ACTR3B: variants seen among roughly 807,000 people sequenced by gnomAD.
The protein encoded by ACTR3B is actin related protein 3B.
Under a neutral mutation model 59.0 loss-of-function variants are expected in ACTR3B, and 8 were observed. The observed-to-expected ratio is 0.14, with a 90% confidence interval of 0.08 to 0.24. ACTR3B has a LOEUF of 0.24. Among genes scored for constraint, ACTR3B ranks in the 10% least tolerant of loss-of-function variants. The probability of loss-of-function intolerance (pLI) is 1.00; values close to 1 mark genes in which losing one functional copy is unlikely to be tolerated. For synonymous variants in ACTR3B, 148 were observed against 197.9 expected (o/e 0.75, Z 2.12); for missense variants, 245 against 552.3 (o/e 0.44, Z 5.58).
chr7:152,823,576 T>C (rs1796351764), intron 8 of ACTR3B, 61 bp downstream of exon 8: 2 of 1,572,176 alleles, frequency 1.3e-6, no homozygotes, highest in African/African-American at 1.3e-5. Context: ...CCACCCAGAG[T>C]GTAGAAAGAG....
chr7:152,795,736 C>CT (rs1049531712), intron 2 of ACTR3B, among the ~76,000 whole-genome samples: 2 of 152,114 alleles, frequency 1.3e-5, no homozygotes, highest in African/African-American at 4.8e-5. Context: ...CAGTATTAAT[C>CT]TTTTGTCTGG....
intron 4 of ACTR3B, among the ~76,000 whole-genome samples, chr7:152,809,348 T>C: frequency 6.6e-6 from 1 of 151,732 alleles, no homozygotes; most frequent in Non-Finnish European, 1.5e-5. Context: ...TGCTTGTTGT[T>C]TGAAGAAGTG....
At chr7:152,792,381 T>C (rs1335331050) in intron 2 of ACTR3B, among the ~76,000 whole-genome samples, 1 of 152,128 alleles carries the variant, frequency 6.6e-6, no homozygotes, top group African/African-American at 2.4e-5. Context: ...TCAAATTCCT[T>C]CTTTTATCAT....
intron 1 of ACTR3B, among the ~76,000 whole-genome samples, chr7:152,777,407 G>A (rs939199257): frequency 5.4e-4 from 82 of 152,270 alleles, no homozygotes; most frequent in Non-Finnish European, 5.3e-4. Flanking sequence ...TATTTAAAGA[G>A]CAATATTATT....
intron 9 of ACTR3B, among the ~76,000 whole-genome samples, chr7:152,829,991 A>G (rs1334004167): frequency 6.6e-6 from 1 of 152,238 alleles, no homozygotes; most frequent in Non-Finnish European, 1.5e-5. Context: ...AAGAGCTTAT[A>G]AAAAAGCTAA....
At chr7:152,844,724 A>G (rs1445330469) in intron 9 of ACTR3B, among the ~76,000 whole-genome samples, 3 of 149,580 alleles carry the variant, frequency 2.0e-5, no homozygotes, top group Non-Finnish European at 4.4e-5. Flanking sequence ...TTGGTGACCT[A>G]GTTTGATTAC....
chr7:152,833,085 C>G (rs911153404), intron 9 of ACTR3B, among the ~76,000 whole-genome samples: 1 of 152,168 alleles, frequency 6.6e-6, no homozygotes, highest in African/African-American at 2.4e-5. Flanking sequence ...GGATGAGGGT[C>G]AAGAGGTAGC....
chr7:152,852,372 C>A, intron 10 of ACTR3B, 121 bp downstream of exon 10: 1 of 1,267,098 alleles, frequency 7.9e-7, no homozygotes, highest in Non-Finnish European at 1.1e-6. Flanking sequence ...AAGTGTTCAT[C>A]GCTTTCTGAG....
At chr7:152,845,099 G>A (rs1383102101) in intron 9 of ACTR3B, among the ~76,000 whole-genome samples, 1 of 150,092 alleles carries the variant, frequency 6.7e-6, no homozygotes, top group Non-Finnish European at 1.5e-5. Flanking sequence ...AACTGTGAGT[G>A]TCTTAATCGA....
At chr7:152,852,355 T>TA (rs1798882358) in intron 10 of ACTR3B, 104 bp downstream of exon 10, 7 of 1,383,968 alleles carry the variant, frequency 5.1e-6, no homozygotes, top group Non-Finnish European at 6.7e-6. Flanking sequence ...CCGCGTAAAA[T>TA]AAAAACAAGT....
chr7:152,835,644 C>T (rs1797388935), intron 9 of ACTR3B, among the ~76,000 whole-genome samples: 1 of 152,156 alleles, frequency 6.6e-6, no homozygotes, highest in Admixed American at 6.6e-5. Flanking sequence ...GTAACAAACA[C>T]ATTATGGGTG....
intron 3 of ACTR3B, among the ~76,000 whole-genome samples, 153 bp from the exon 4 acceptor site, chr7:152,801,468 C>T (rs547904377): frequency 6.6e-5 from 10 of 152,170 alleles, no homozygotes; most frequent in African/African-American, 2.2e-4. Context: ...CTTTTTTTTC[C>T]AAATGCTGTT....
intron 6 of ACTR3B, among the ~76,000 whole-genome samples, chr7:152,819,374 G>C (rs1795970816): frequency 6.6e-6 from 1 of 152,256 alleles, no homozygotes; most frequent in African/African-American, 2.4e-5. Flanking sequence ...CAGAAGCTGT[G>C]ATGTGCTGTA....
chr7:152,772,094 G>T (rs1234036817), intron 1 of ACTR3B, among the ~76,000 whole-genome samples: 1 of 152,080 alleles, frequency 6.6e-6, no homozygotes, highest in Non-Finnish European at 1.5e-5. Flanking sequence ...ACCCCTGAAA[G>T]ATAAAAGAAT....
At chr7:152,817,850 AAT>A (rs1168324904) in intron 6 of ACTR3B, among the ~76,000 whole-genome samples, 2 of 152,244 alleles carry the variant, frequency 1.3e-5, no homozygotes, top group African/African-American at 4.8e-5. Flanking sequence ...TACTAATACC[AAT>A]GCCTTTAATT....
chr7:152,788,082 G>A (rs1261001068), intron 2 of ACTR3B, among the ~76,000 whole-genome samples: 2 of 113,048 alleles, frequency 1.8e-5, no homozygotes, highest in Non-Finnish European at 3.5e-5. Flanking sequence ...CCACCACCAC[G>A]TCCAGCTAAT....
intron 9 of ACTR3B, among the ~76,000 whole-genome samples, chr7:152,828,068 A>G (rs1796718575): frequency 6.6e-6 from 1 of 151,708 alleles, no homozygotes; most frequent in Non-Finnish European, 1.5e-5. Flanking sequence ...GGGTTCCTAT[A>G]AAGTTTTATT....
chr7:152,762,166 G>C (rs1038585647), intron 1 of ACTR3B, among the ~76,000 whole-genome samples: 2 of 152,058 alleles, frequency 1.3e-5, no homozygotes, highest in African/African-American at 4.8e-5. Context: ...GGTAAACCCC[G>C]AGACTACCTG....
At position 152,844,160 on chromosome 7, in the gene ACTR3B, C is replaced by A. The variant is rs184902194; in HGVS notation, c.952-7966C>A. Among the ~76,000 whole-genome samples the A allele has an allele frequency of 9.6e-3, 1,467 of 152,218 alleles. 26 individuals are homozygous for A. Among genetic ancestry groups the A allele is most frequent in the African/African-American group, 0.034 (1,416 of 41,536 alleles). ...GCAACCTCCGCCTCCCAGGTTCAAGCGATTCTCCTGCCTCAGCCTCCTGAG... is the reference window on the plus strand; with the variant it reads ...GCAACCTCCGCCTCCCAGGTTCAAGAGATTCTCCTGCCTCAGCCTCCTGAG... On this transcript the variant is annotated intron_variant, in intron 9 of 11. Transcript: ENST00000256001.
Sources: gnomAD v4.1 joint callset for allele counts (sites outside exome capture counted in the v4.1 genomes callset) on GRCh38, gnomAD v4.1.1 for gene constraint, MANE v1.5 for transcripts, NCBI Gene and HGNC (gene_info 2026-07-23, HGNC 2026-07-21) for gene names.